SDK1: variants seen among roughly 807,000 people sequenced by gnomAD.
SDK1 encodes protein sidekick-1.
A neutral mutation model predicts 245.5 loss-of-function variants in SDK1; 157 were observed. The observed-to-expected ratio is 0.64, with a 90% CI of 0.56 to 0.73. SDK1 has a LOEUF of 0.73. Ranked by LOEUF, SDK1 falls within the 30% of genes least tolerant of loss-of-function variation. The pLI is 0.00. For synonymous variants in SDK1, 1,647 were observed against 1,278.5 expected, an observed-to-expected ratio of 1.29 and a Z score of -6.15; for missense variants, 3,583 against 3,002.3, an observed-to-expected ratio of 1.19 and a Z score of -4.52.
At chr7:3,818,643 C>T (rs1275285019) in intron 4 of SDK1, among the ~76,000 whole-genome samples, 1 of 152,136 alleles carries the variant, frequency 6.6e-6, no homozygotes, top group African/African-American at 2.4e-5. Context: ...GTGACAGCAG[C>T]CCTAACTTAT....
intron 1 of SDK1, among the ~76,000 whole-genome samples, chr7:3,409,416 A>T (rs1779141078): frequency 6.6e-6 from 1 of 151,874 alleles, no homozygotes. Context: ...CTGCCTGTAC[A>T]GTCAGGTGGC....
At chr7:3,386,154 C>G (rs1562455263) in intron 1 of SDK1, among the ~76,000 whole-genome samples, 1 of 152,044 alleles carries the variant, frequency 6.6e-6, no homozygotes, top group Admixed American at 6.6e-5. Context: ...AATTGGATAG[C>G]AGAAATAAGA....
At chr7:4,013,798 A>G (rs935261001) in intron 16 of SDK1, among the ~76,000 whole-genome samples, 8 of 152,230 alleles carry the variant, frequency 5.3e-5, no homozygotes, top group Non-Finnish European at 1.2e-4. Flanking sequence ...AGCTCCAATC[A>G]ATAGCAAGGC....
chr7:3,510,851 C>T (rs1782555772), intron 1 of SDK1, among the ~76,000 whole-genome samples: 2 of 152,198 alleles, frequency 1.3e-5, no homozygotes, highest in African/African-American at 4.8e-5. Context: ...CAAAAGATGG[C>T]ATTCCAGAGG....
In SDK1 at chr7:3,555,004, T is replaced by A. The variant is rs563737151; in HGVS notation, c.299-64076T>A. Among the ~76,000 whole-genome samples the A allele has an allele frequency of 3.3e-5, 5 of 152,272 alleles. No individual in the cohort carries two copies. In the South Asian group the frequency reaches 1.0e-3, roughly 32 times the overall value. ...AATCAATATTGTTCAAATGTCCATA[T>A]TACCCAGGGCAATCTATAGATTCAA... On this transcript the variant is annotated intron_variant, in intron 1 of 44. Coordinates refer to ENST00000404826, the MANE Select transcript of SDK1 (RefSeq NM_152744.4).
At position 3,586,588 on chromosome 7, in the gene SDK1, C is replaced by T. The variant is rs576275237; in HGVS notation, c.299-32492C>T. ...GGCATTGTGGCGGGCGCCTGTAGTC[C>T]TAGCTACTCGGGAGGCTGAGGCAGG... On this transcript the variant is annotated intron_variant, in intron 1 of 44. Transcript: ENST00000404826. Among the ~76,000 whole-genome samples, 8 of 151,246 alleles carry T rather than the reference C, an allele frequency of 5.3e-5. No individual in the cohort carries two copies. The East Asian group carries it at 1.4e-3, about 26-fold the overall frequency.
chr7:3,453,726 C>T (rs1583880426), intron 1 of SDK1, among the ~76,000 whole-genome samples: 1 of 150,446 alleles, frequency 6.6e-6, no homozygotes, highest in Non-Finnish European at 1.5e-5. Flanking sequence ...ACTACAGGTG[C>T]ACCACCATGT....
At chr7:3,919,207 A>G (rs1314999553) in intron 5 of SDK1, among the ~76,000 whole-genome samples, 2 of 152,176 alleles carry the variant, frequency 1.3e-5, no homozygotes, top group Admixed American at 6.5e-5. Context: ...TGAATATTCC[A>G]TGAGCCCGGC....
Position 3,373,114 on chromosome 7 carries a change from T to C in SDK1, c.298+71230T>C, listed in dbSNP as rs187529541. ...GTTTTACAGTGGCGCTATGTCCTTA[T>C]AAACTGATAAGCTGAAAATATTGTA... is the stretch of plus-strand genomic sequence containing the variant. On this transcript the variant is annotated intron_variant, in intron 1 of 44. Transcript: ENST00000404826. 2.3e-4 allele frequency among the ~76,000 whole-genome samples: 35 copies of C among 152,348 alleles called. 2 individuals carry two copies. The East Asian group carries it at 6.0e-3, about 26-fold the overall frequency.
At chr7:3,352,948 A>G (rs979294850) in intron 1 of SDK1, among the ~76,000 whole-genome samples, 4 of 152,308 alleles carry the variant, frequency 2.6e-5, no homozygotes, top group South Asian at 2.1e-4. Context: ...CAAGCTCTAC[A>G]TGGGAATACT....
chr7:3,690,438 C>T (rs1019212453), intron 4 of SDK1, among the ~76,000 whole-genome samples: 41 of 152,052 alleles, frequency 2.7e-4, no homozygotes, highest in Non-Finnish European at 1.5e-4. Flanking sequence ...AGGGATTTAT[C>T]CTTTTATAAT....
chr7:4,080,299 C>T (rs1009134108), intron 22 of SDK1, among the ~76,000 whole-genome samples: 5 of 152,064 alleles, frequency 3.3e-5, no homozygotes, highest in African/African-American at 1.2e-4. Flanking sequence ...GGGTCCGGGA[C>T]AGTGCCAGGC....
intron 14 of SDK1, among the ~76,000 whole-genome samples, chr7:4,005,037 AC>A (rs1160014912): frequency 1.8e-5 from 2 of 111,326 alleles, no homozygotes; most frequent in Non-Finnish European, 1.8e-5. Flanking sequence ...TGGTTCCTGC[AC>A]CTTTTTTTTT....
chr7:4,234,643 C>T (rs34817844), intron 41 of SDK1, among the ~76,000 whole-genome samples: 19,960 of 152,242 alleles, frequency 0.13, 1,723 homozygotes, highest in Non-Finnish European at 0.19. Flanking sequence ...AGGGACTCAA[C>T]CCTGGCCGCA....
chr7:3,969,076 C>T (rs942168973), intron 10 of SDK1, among the ~76,000 whole-genome samples, 181 bp from the exon 11 acceptor site: 1 of 152,206 alleles, frequency 6.6e-6, no homozygotes, highest in Non-Finnish European at 1.5e-5. Context: ...GGGGGAACCA[C>T]CCTCAGGATC....
intron 1 of SDK1, among the ~76,000 whole-genome samples, chr7:3,426,391 C>G (rs1779677222): frequency 6.6e-6 from 1 of 152,170 alleles, no homozygotes; most frequent in Non-Finnish European, 1.5e-5. Flanking sequence ...GTTGGACAGG[C>G]TGGCCTTGTT....
chr7:3,506,910 C>T (rs1395232468), intron 1 of SDK1, among the ~76,000 whole-genome samples: 1 of 151,760 alleles, frequency 6.6e-6, no homozygotes, highest in Non-Finnish European at 1.5e-5. Flanking sequence ...TCTATCATTG[C>T]TATATCTGTT....
chr7:4,115,749 C>T (rs919115713), intron 25 of SDK1, among the ~76,000 whole-genome samples: 1 of 152,216 alleles, frequency 6.6e-6, no homozygotes, highest in African/African-American at 2.4e-5. Flanking sequence ...CAGAGCCTCC[C>T]TGCTTCTGTC....
chr7:3,722,067 C>T lies in SDK1; in HGVS notation c.713+79962C>T, dbSNP rs192573394. ...TTTTTTTGAGGTTATTTTTGTAGAGCCAGGGTTTCACCATGTTACCCAGGC... is the reference window on the plus strand; with the variant it reads ...TTTTTTTGAGGTTATTTTTGTAGAGTCAGGGTTTCACCATGTTACCCAGGC... On this transcript the variant is annotated intron_variant, in intron 4 of 44. Coordinates refer to ENST00000404826, the MANE Select transcript of SDK1 (RefSeq NM_152744.4). 1.4e-3 allele frequency among the ~76,000 whole-genome samples: 214 copies of T among 152,052 alleles called. 1 individual carries two copies. The highest frequency in any genetic ancestry group is 2.6e-3 in the Non-Finnish European group (178 of 67,964).
Sources: gnomAD v4.1 joint callset for allele counts (sites outside exome capture counted in the v4.1 genomes callset) on GRCh38, gnomAD v4.1.1 for gene constraint, MANE v1.5 for transcripts, NCBI Gene and HGNC (gene_info 2026-07-23, HGNC 2026-07-21) for gene names.